The following LRRC28 variants were observed in gnomAD, a reference collection of about 807,000 sequenced individuals.
LRRC28 encodes leucine rich repeat containing 28, also known as leucine-rich repeat-containing protein 28.
In LRRC28, 39 loss-of-function variants were observed where a neutral mutation model predicts 45.7. The ratio of observed to expected loss-of-function variants is 0.85; its 90% CI spans 0.66 to 1.12. The LOEUF (loss-of-function observed/expected upper bound fraction) is 1.12. Ranked by LOEUF, LRRC28 falls within the 50% of genes most tolerant of loss-of-function variation. The probability of loss-of-function intolerance (pLI) is 0.00; values close to 1 mark genes in which losing one functional copy is unlikely to be tolerated. For missense variants in LRRC28, 435 were observed against 438.5 expected (o/e 0.99, Z 0.07); for synonymous variants, 206 against 178.8 (o/e 1.15, Z -1.22).
intron 9 of LRRC28, among the ~76,000 whole-genome samples, chr15:99,385,816 A>G (rs1957968837): frequency 6.6e-6 from 1 of 151,912 alleles, no homozygotes; most frequent in Admixed American, 6.6e-5. Flanking sequence ...TAAAATGAAC[A>G]TTCAAAAAAT....
intron 5 of LRRC28, among the ~76,000 whole-genome samples, chr15:99,329,895 A>G (rs900718395): frequency 2.6e-5 from 4 of 152,136 alleles, no homozygotes; most frequent in Non-Finnish European, 2.9e-5. Context: ...CCTTATGAAT[A>G]TGGTTTTTCT....
intron 9 of LRRC28, among the ~76,000 whole-genome samples, chr15:99,368,971 A>C (rs1434210297): frequency 6.6e-6 from 1 of 152,200 alleles, no homozygotes; most frequent in East Asian, 1.9e-4. Context: ...CCTCAGCCAA[A>C]TATCCAAGTT....
At position 99,256,138 on chromosome 15, in the gene LRRC28, A is replaced by G. The variant is rs753303884; in HGVS notation, c.168+13A>G. ...CCTGACATCCTTGGTACAGTATTAT[A>G]TTACACTACTGAAAAATTATTTATA... is the stretch of plus-strand genomic sequence containing the variant. On this transcript the variant is annotated intron_variant, in intron 2 of 9. Transcript: ENST00000301981. 3 of 1,583,102 alleles carry G rather than the reference A, an allele frequency of 1.9e-6. No homozygotes were observed. Among genetic ancestry groups the G allele is most frequent in the East Asian group, 2.2e-5 (1 of 44,514 alleles).
chr15:99,307,228 C>T (rs561226207), intron 5 of LRRC28, among the ~76,000 whole-genome samples: 15 of 152,198 alleles, frequency 9.9e-5, no homozygotes, highest in Non-Finnish European at 1.6e-4. Flanking sequence ...GTAGGGAGAA[C>T]GATACAGGGT....
intron 1 of LRRC28, chr15:99,251,824 C>T (rs890396780): frequency 2.6e-5 from 4 of 152,220 alleles, no homozygotes; most frequent in East Asian, 1.9e-4. Context: ...CTGGCTAACT[C>T]GGGCGAAACG....
chr15:99,322,889 G>A (rs191945204), intron 5 of LRRC28, among the ~76,000 whole-genome samples: 1 of 152,312 alleles, frequency 6.6e-6, no homozygotes, highest in East Asian at 1.9e-4. Context: ...CAACTTTGTG[G>A]AAAGAACCAG....
chr15:99,260,399 A>C (rs2081161935), intron 2 of LRRC28, among the ~76,000 whole-genome samples: 1 of 152,210 alleles, frequency 6.6e-6, no homozygotes, highest in Non-Finnish European at 1.5e-5. Flanking sequence ...ATGGTAATAC[A>C]TTTTATTTCC....
intron 2 of LRRC28, among the ~76,000 whole-genome samples, chr15:99,264,513 G>T (rs1261956790): frequency 6.6e-6 from 1 of 152,178 alleles, no homozygotes. Context: ...ATGCTGAGGT[G>T]GGGACCGAGC....
chr15:99,380,178 C>T (rs960096292), intron 9 of LRRC28, among the ~76,000 whole-genome samples: 1 of 152,188 alleles, frequency 6.6e-6, no homozygotes, highest in African/African-American at 2.4e-5. Flanking sequence ...GTCTAAGACT[C>T]TTTCTAGGTC....
At chr15:99,255,525 G>A (rs2080991168) in intron 1 of LRRC28, among the ~76,000 whole-genome samples, 1 of 151,918 alleles carries the variant, frequency 6.6e-6, no homozygotes, top group Admixed American at 6.6e-5. Flanking sequence ...TACAAAATGA[G>A]GTAGTTCATA....
At chr15:99,337,567 T>G (rs1027414553) in intron 6 of LRRC28, among the ~76,000 whole-genome samples, 1 of 152,246 alleles carries the variant, frequency 6.6e-6, no homozygotes, top group Non-Finnish European at 1.5e-5. Context: ...CAGAGTAGCT[T>G]CTTCTGTCTC....
intron 3 of LRRC28, chr15:99,286,867 GT>G (rs1262677524): frequency 6.3e-6 from 1 of 158,258 alleles, no homozygotes; most frequent in Non-Finnish European, 1.4e-5. Flanking sequence ...GAAACGAAAA[GT>G]TCATCTTCCT....
At chr15:99,359,317 T>C (rs1957134472) in intron 7 of LRRC28, among the ~76,000 whole-genome samples, 1 of 152,118 alleles carries the variant, frequency 6.6e-6, no homozygotes, top group African/African-American at 2.4e-5. Context: ...TGACAAAGGA[T>C]TGTTATTGCC....
chr15:99,310,483 T>C (rs1207591574), intron 5 of LRRC28, among the ~76,000 whole-genome samples: 1 of 152,186 alleles, frequency 6.6e-6, no homozygotes, highest in Admixed American at 6.5e-5. Flanking sequence ...AATCTTAACT[T>C]CACTAGAAGT....
intron 5 of LRRC28, among the ~76,000 whole-genome samples, chr15:99,292,055 C>T (rs2082134946): frequency 6.6e-6 from 1 of 152,240 alleles, no homozygotes; most frequent in Non-Finnish European, 1.5e-5. Flanking sequence ...CTTTGCTCTC[C>T]AGTTTGGCTT....
At chr15:99,331,912 C>T (rs1403045517) in intron 5 of LRRC28, 1 of 152,210 alleles carries the variant, frequency 6.6e-6, no homozygotes, top group Non-Finnish European at 1.5e-5. Flanking sequence ...GGAAGAGTTT[C>T]TCCAAGCCTT....
At chr15:99,332,770 C>T (rs113376124) in intron 5 of LRRC28, among the ~76,000 whole-genome samples, 4,554 of 152,228 alleles carry the variant, frequency 0.03, 203 homozygotes, top group African/African-American at 0.1. Context: ...GCATCCAAGA[C>T]GGCAGAAGAC....
intron 5 of LRRC28, among the ~76,000 whole-genome samples, chr15:99,294,573 A>C (rs747703768): frequency 3.3e-5 from 5 of 152,198 alleles, no homozygotes; most frequent in Non-Finnish European, 5.9e-5. Context: ...AGGTGCCAGC[A>C]GATCTGGTGA....
intron 5 of LRRC28, among the ~76,000 whole-genome samples, chr15:99,332,449 G>A (rs1225189173): frequency 6.6e-6 from 1 of 152,066 alleles, no homozygotes; most frequent in South Asian, 2.1e-4. Context: ...GGGTATTTTG[G>A]ACTTGTATTA....
Sources: gnomAD v4.1 joint callset for allele counts (sites outside exome capture counted in the v4.1 genomes callset) on GRCh38, gnomAD v4.1.1 for gene constraint, MANE v1.5 for transcripts, NCBI Gene and HGNC (gene_info 2026-07-23, HGNC 2026-07-21) for gene names.